The following UFL1 variants were observed in gnomAD, a reference collection of about 807,000 sequenced individuals.
UFL1 encodes the protein E3 UFM1-protein ligase 1.
UFL1 carries 78 observed loss-of-function variants against 99.3 expected under a neutral mutation model. That is an observed-to-expected ratio of 0.79 (90% confidence interval 0.65 to 0.95). The LOEUF (loss-of-function observed/expected upper bound fraction) is 0.95, where lower values mean the gene tolerates loss of function less well. UFL1 is among the 40% of genes least tolerant of loss of function. The pLI is 0.00. For synonymous variants in UFL1, 335 were observed against 322.2 expected (o/e 1.04, Z -0.42); for missense variants, 936 against 937.0 (o/e 1.00, Z 0.01).
chr6:96,542,835 T>C, intron 11 of UFL1, 59 bp from the exon 12 acceptor site: 1 of 1,441,762 alleles, frequency 6.9e-7, no homozygotes, highest in Admixed American at 2.9e-5. Context: ...ATAGTGTCAT[T>C]ATTTTATAAA....
At chr6:96,523,771 C>T (rs980598163) in intron 2 of UFL1, among the ~76,000 whole-genome samples, 5 of 152,128 alleles carry the variant, frequency 3.3e-5, no homozygotes, top group African/African-American at 1.2e-4. Flanking sequence ...GTTAAAAACA[C>T]GCACAAAGTT....
intron 6 of UFL1, among the ~76,000 whole-genome samples, chr6:96,529,187 G>C (rs1562251516): frequency 6.6e-6 from 1 of 152,164 alleles, no homozygotes; most frequent in Non-Finnish European, 1.5e-5. Context: ...CTGTGTGACA[G>C]ACTCCAGCAT....
intron 2 of UFL1, 69 bp downstream of exon 2, chr6:96,523,360 C>T (rs562274271): frequency 2.3e-5 from 33 of 1,404,852 alleles, no homozygotes; most frequent in Admixed American, 4.9e-5. Context: ...AAACAAAACC[C>T]GTAAACATGT....
At position 96,536,381 on chromosome 6, in the gene UFL1, G is replaced by C; in HGVS notation, c.793G>C (p.Gly265Arg). ...GGTGGATTCCTTTTTCAGGCAGAAT[G>C]GCTATCTAGGTAACTTTCTTATTTC... ...TWVDSFFRQNGYLEFDALSRL... is the reference protein window; with the variant it reads ...TWVDSFFRQNRYLEFDALSRL... Residue 265 changes from glycine (G) to arginine (R), a missense_variant, in exon 8 of 19, where the codon GGC becomes CGC. Physicochemically the swap from Gly to Arg is moderately radical, Grantham distance 125. Transcript: ENST00000369278. 1 of 1,599,350 alleles carries C rather than the reference G, an allele frequency of 6.3e-7. No individual in the cohort carries two copies. The highest frequency in any genetic ancestry group is 8.5e-7 in the Non-Finnish European group (1 of 1,170,910).
At chr6:96,543,044 G>T (rs769232064) in intron 12 of UFL1, 28 bp downstream of exon 12, 2 of 1,568,246 alleles carry the variant, frequency 1.3e-6, no homozygotes, top group Non-Finnish European at 1.7e-6. Flanking sequence ...ACTTTTCCTT[G>T]GTGTATGTGT....
intron 12 of UFL1, among the ~76,000 whole-genome samples, chr6:96,543,228 C>T (rs1221826868): frequency 2.0e-5 from 3 of 151,010 alleles, no homozygotes; most frequent in East Asian, 1.9e-4. Flanking sequence ...AAAGATACTT[C>T]GGTATATTAA....
Position 96,553,621 on chromosome 6 carries a change from C to T in UFL1, c.*118C>T. ...CTCCCTGCAAAAACCACCTCATACA[C>T]ACACAATTCAGTTAAAACAGTAGTA... On this transcript the variant is annotated 3_prime_UTR_variant, in exon 19 of 19. Coordinates refer to ENST00000369278, the MANE Select transcript of UFL1 (RefSeq NM_015323.5). The T allele has an allele frequency of 1.4e-6, 1 of 699,422 alleles. No homozygotes were observed. Among genetic ancestry groups the T allele is most frequent in the East Asian group, 2.7e-5 (1 of 36,950 alleles). 43.3% of individuals were successfully genotyped at this position (699,422 alleles called of 1,614,324 possible). A position where few individuals can be genotyped will look rare whatever the true frequency, so the allele number is the denominator to read the frequency against.
chr6:96,533,357 T>C (rs1769809484), intron 6 of UFL1, among the ~76,000 whole-genome samples: 1 of 152,074 alleles, frequency 6.6e-6, no homozygotes, highest in Admixed American at 6.6e-5. Context: ...AGTTTACCTG[T>C]CTGTCAGCTG....
Position 96,523,302 on chromosome 6 carries a change from C to A in UFL1, c.223+11C>A. On this transcript the variant is annotated intron_variant, in intron 2 of 18. Coordinates refer to ENST00000369278, the MANE Select transcript of UFL1 (RefSeq NM_015323.5). Reference sequence around the variant, plus strand: ...TACATGTCCGAGGTGGTAGGTAATTCTTTAGTGTTTTTTTTTTTCTTGGAT... The same window carrying A: ...TACATGTCCGAGGTGGTAGGTAATTATTTAGTGTTTTTTTTTTTCTTGGAT... The A allele has an allele frequency of 6.4e-7, 1 of 1,563,398 alleles. No homozygotes were observed. The highest frequency in any genetic ancestry group is 8.6e-7 in the Non-Finnish European group (1 of 1,161,050).
At chr6:96,543,687 A>G (rs1456734012) in intron 12 of UFL1, among the ~76,000 whole-genome samples, 5 of 151,114 alleles carry the variant, frequency 3.3e-5, no homozygotes, top group Non-Finnish European at 7.4e-5. Context: ...TCTTGGAGAT[A>G]TTCCAAGACA....
At chr6:96,522,341 AC>A (rs924594119) in intron 1 of UFL1, among the ~76,000 whole-genome samples, 1 of 151,786 alleles carries the variant, frequency 6.6e-6, no homozygotes, top group Non-Finnish European at 1.5e-5. Flanking sequence ...GGAGAGGCTA[AC>A]CCCCGCCCCC....
In UFL1 at chr6:96,526,352, A is replaced by G. The variant is rs1315350158; in HGVS notation, c.382A>G (p.Asn128Asp). 1.2e-6 allele frequency: 2 copies of G among 1,613,512 alleles called. No homozygotes were observed. Among genetic ancestry groups the G allele is most frequent in the Admixed American group, 1.7e-5 (1 of 59,942 alleles). The change falls in exon 5 of 19, where the codon AAT (asparagine) becomes GAT (aspartate). Residue 128 changes from asparagine (N) to aspartate (D), a missense_variant. Transcript: ENST00000369278. ...TTTGGATCGGTTGGCAGAAGAGGTC[A>G]ATGATAAATTGCAAGAAAGTGGTCA... ...NYLDRLAEEVNDKLQESGQVT... is the reference protein window; with the variant it reads ...NYLDRLAEEVDDKLQESGQVT...
At chr6:96,537,031 T>G (rs1769863813) in intron 8 of UFL1, among the ~76,000 whole-genome samples, 1 of 151,536 alleles carries the variant, frequency 6.6e-6, no homozygotes, top group South Asian at 2.1e-4. Context: ...GTTTGATCAG[T>G]TTTATAATCC....
At chr6:96,537,660 A>C (rs1296053411) in intron 9 of UFL1, 111 bp downstream of exon 9, 5 of 1,044,890 alleles carry the variant, frequency 4.8e-6, no homozygotes, top group Middle Eastern at 2.2e-4. Context: ...CTTTGGAGGC[A>C]AATTCTAATC....
chr6:96,522,004 C>T, intron 1 of UFL1, 54 bp downstream of exon 1: 4 of 1,564,874 alleles, frequency 2.6e-6, no homozygotes, highest in South Asian at 2.3e-5. Context: ...TGGGCGGACA[C>T]GCCTGTATCT....
Position 96,542,856 on chromosome 6 carries a change from T to C in UFL1, c.1280-38T>C, listed in dbSNP as rs1418515688. On this transcript the variant is annotated intron_variant, in intron 11 of 18. Coordinates refer to ENST00000369278, the MANE Select transcript of UFL1 (RefSeq NM_015323.5). ...TCATTATTTTATAAAAATGATGATT[T>C]AGTTAGGTAATGCTAACTAATGTCA... is the stretch of plus-strand genomic sequence containing the variant. 2.0e-6 allele frequency: 3 copies of C among 1,505,102 alleles called. 1 individual carries two copies. The highest frequency in any genetic ancestry group is 1.5e-5 in the African/African-American group (1 of 68,942). The allele number at this position is 1,505,102 out of a possible 1,614,324, so 93.2% of individuals were successfully genotyped here.
chr6:96,551,975 C>G, intron 17 of UFL1, 52 bp downstream of exon 17: 1 of 1,353,698 alleles, frequency 7.4e-7, no homozygotes, highest in Non-Finnish European at 1.0e-6. Flanking sequence ...TGGAGCCTTT[C>G]ATATCTGAAA....
At chr6:96,537,338 T>A in intron 8 of UFL1, 36 bp from the exon 9 acceptor site, 1 of 1,501,608 alleles carries the variant, frequency 6.7e-7, no homozygotes, top group Non-Finnish European at 8.9e-7. Flanking sequence ...TACATGTAAT[T>A]GACAATTCTA....
In UFL1 at chr6:96,523,202, T is replaced by A; in HGVS notation, c.134T>A (p.Leu45Gln). The A allele has an allele frequency of 6.2e-7, 1 of 1,613,548 alleles. No individual in the cohort carries two copies. Among genetic ancestry groups the A allele is most frequent in the Middle Eastern group, 1.7e-4 (1 of 6,058 alleles). Residue 45 changes from leucine to glutamine, a missense_variant, in exon 2 of 19, where the codon CTA becomes CAA. Transcript: ENST00000369278. ...AATAAATTGATTGCTCAGAAACAGC[T>A]AGAAGTAGTTCATACACTCGATGGA... ...IVNKLIAQKQ[L>Q]EVVHTLDGKE... is the part of the protein sequence containing the mutation.
Sources: gnomAD v4.1 joint callset for allele counts (sites outside exome capture counted in the v4.1 genomes callset) on GRCh38, gnomAD v4.1.1 for gene constraint, MANE v1.5 for transcripts, NCBI Gene and HGNC (gene_info 2026-07-23, HGNC 2026-07-21) for gene names.